Variants in RNF19A observed in about 807,000 individuals in gnomAD.
RNF19A encodes the protein ring finger protein 19A, RBR E3 ubiquitin protein ligase, also known as E3 ubiquitin-protein ligase RNF19A.
In RNF19A, 32 loss-of-function variants were observed where a neutral mutation model predicts 75.7. The ratio of observed to expected loss-of-function variants is 0.42; its 90% CI spans 0.32 to 0.57. The LOEUF (loss-of-function observed/expected upper bound fraction) is 0.57. Among genes scored for constraint, RNF19A ranks in the 20% least tolerant of loss-of-function variants. The probability of loss-of-function intolerance (pLI) is 0.10; values close to 1 mark genes in which losing one functional copy is unlikely to be tolerated. For synonymous variants in RNF19A, 335 were observed against 345.2 expected (o/e 0.97, Z 0.33); for missense variants, 782 against 1,036.3 (o/e 0.75, Z 3.37).
intron 3 of RNF19A, among the ~76,000 whole-genome samples, chr8:100,273,923 C>T (rs1820378630): frequency 6.6e-6 from 1 of 152,108 alleles, no homozygotes; most frequent in Non-Finnish European, 1.5e-5. Flanking sequence ...CTGGGGATTA[C>T]AGGCGCCCGC....
In RNF19A at chr8:100,269,248, A is replaced by C. The variant is rs1820139880; in HGVS notation, c.1029-301T>G. Among the ~76,000 whole-genome samples the C allele has an allele frequency of 6.6e-6, 1 of 151,864 alleles. No homozygotes were observed. The highest frequency in any genetic ancestry group is 1.5e-5 in the Non-Finnish European group (1 of 67,934). On this transcript the variant is annotated intron_variant, in intron 4 of 9. Coordinates refer to ENST00000341084, the MANE Select transcript of RNF19A (RefSeq NM_183419.4). This position sits in a 1 kb window ranked among gnomAD's most constrained non-coding sequence, Gnocchi z 5.7. Reference sequence around the variant, plus strand: ...AGTCTTCCATTACCCTCATACCCTTAAGTCAGTTTAATAGTAAATTAATGC... The same window carrying C: ...AGTCTTCCATTACCCTCATACCCTTCAGTCAGTTTAATAGTAAATTAATGC...
At chr8:100,334,206 T>C (rs1372030905) in intron 1 of RNF19A, among the ~76,000 whole-genome samples, 1 of 152,256 alleles carries the variant, frequency 6.6e-6, no homozygotes, top group East Asian at 1.9e-4. Context: ...CTTTTCATCA[T>C]AGCCACAACA....
chr8:100,276,855 A>G (rs1820544633), intron 2 of RNF19A, among the ~76,000 whole-genome samples: 1 of 152,152 alleles, frequency 6.6e-6, no homozygotes, highest in South Asian at 2.1e-4. Flanking sequence ...AACTAAATAC[A>G]CTGTGCAGAA....
At position 100,258,961 on chromosome 8, in the gene RNF19A, G is replaced by A; in HGVS notation, c.2112C>T (p.Asn704=). 1.2e-6 allele frequency: 2 copies of A among 1,614,214 alleles called. No homozygotes were observed. Among genetic ancestry groups the A allele is most frequent in the Admixed American group, 3.3e-5 (2 of 60,028 alleles). ...GGGATGGAGCCTCAAATTCACTTGA[G>A]TTCGTGCTTTGTTGTTCTAACAACT... is the stretch of plus-strand genomic sequence containing the variant. ...DAQLLEQQST[N]SSEFEAPSLS... is the part of the protein sequence containing the mutation. The change falls in exon 10 of 10, where the codon AAC becomes AAT. Residue 704 remains asparagine, a synonymous_variant. Coordinates refer to ENST00000341084, the MANE Select transcript of RNF19A (RefSeq NM_183419.4). The surrounding 1 kb of genome is among the most constrained non-coding windows in gnomAD (Gnocchi z 4.3).
chr8:100,281,610 A>G (rs991643016), intron 2 of RNF19A, among the ~76,000 whole-genome samples: 1 of 152,230 alleles, frequency 6.6e-6, no homozygotes, highest in Non-Finnish European at 1.5e-5. Flanking sequence ...AAGACATGAC[A>G]GTCTCAATAA....
rs190002721 is a variant in RNF19A at position 100,332,871 on chromosome 8, A to G, written c.-243+3237T>C. On this transcript the variant is annotated intron_variant, in intron 1 of 3. Transcript: ENST00000519527. This position sits in a 1 kb window ranked among gnomAD's most constrained non-coding sequence, Gnocchi z 4.8. ...TTATTGATTGGTACAAGCTGTTTAT[A>G]TTTTGTGGAAATTAGCCTCTTTTCT... 1.3e-3 allele frequency among the ~76,000 whole-genome samples: 195 copies of G among 152,160 alleles called. 1 individual carries two copies. Among genetic ancestry groups the G allele is most frequent in the African/African-American group, 4.4e-3 (183 of 41,546 alleles).
chr8:100,258,214 T>C lies in RNF19A; in HGVS notation c.*342A>G, dbSNP rs1819541115. The C allele has an allele frequency of 2.4e-6, 1 of 410,682 alleles. No individual in the cohort carries two copies. Among genetic ancestry groups the C allele is most frequent in the African/African-American group, 2.1e-5 (1 of 48,650 alleles). The allele number at this position is 410,682 out of a possible 1,614,324, so 25.4% of individuals were successfully genotyped here. On this transcript the variant is annotated 3_prime_UTR_variant, in exon 10 of 10. Coordinates refer to ENST00000341084, the MANE Select transcript of RNF19A (RefSeq NM_183419.4). The surrounding 1 kb of genome is among the most constrained non-coding windows in gnomAD (Gnocchi z 4.3). Reference sequence around the variant, plus strand: ...AAGCCTCAAGTTTTCTTCATTTGAATGCTGTAGAATTGCATTAGTATTTTA... The same window carrying C: ...AAGCCTCAAGTTTTCTTCATTTGAACGCTGTAGAATTGCATTAGTATTTTA...
At chr8:100,294,327 T>G (rs1205960523) in intron 1 of RNF19A, among the ~76,000 whole-genome samples, 1 of 152,086 alleles carries the variant, frequency 6.6e-6, no homozygotes, top group African/African-American at 2.4e-5. Context: ...AGCACCCATG[T>G]TTACCAATCC....
chr8:100,299,650 TC>T (rs1418434392), intron 1 of RNF19A, among the ~76,000 whole-genome samples: 1 of 152,040 alleles, frequency 6.6e-6, no homozygotes, highest in East Asian at 1.9e-4. Context: ...TCCCAGCTAC[TC>T]GGGAAGCTGA....
chr8:100,268,779 T>C lies in RNF19A; in HGVS notation c.1191+6A>G. The C allele has an allele frequency of 6.5e-7, 1 of 1,542,466 alleles. No individual in the cohort carries two copies. Among genetic ancestry groups the C allele is most frequent in the South Asian group, 1.2e-5 (1 of 81,888 alleles). On this transcript the variant is annotated splice_donor_region_variant and intron_variant, in intron 5 of 9. Coordinates refer to ENST00000341084, the MANE Select transcript of RNF19A (RefSeq NM_183419.4). ...ATAATGGACTAACAAGAAGTATGCA[T>C]TTTACCTTGCGGCCCACATACACAG...
chr8:100,283,978 C>T (rs778375467), intron 2 of RNF19A, among the ~76,000 whole-genome samples: 1 of 151,922 alleles, frequency 6.6e-6, no homozygotes, highest in Non-Finnish European at 1.5e-5. Context: ...GTTTCAAAGG[C>T]TTCAGTAAGC....
At chr8:100,267,664 C>G (rs1820046952) in intron 5 of RNF19A, among the ~76,000 whole-genome samples, 1 of 150,756 alleles carries the variant, frequency 6.6e-6, no homozygotes, top group African/African-American at 2.4e-5. Flanking sequence ...GCCACCATGC[C>G]CAGCTTGTTA....
chr8:100,329,314 C>T lies in RNF19A; in HGVS notation c.-243+6794G>A, dbSNP rs1822580201. Among the ~76,000 whole-genome samples, 1 of 151,954 alleles carries T rather than the reference C, an allele frequency of 6.6e-6. No homozygotes were observed. Among genetic ancestry groups the T allele is most frequent in the Non-Finnish European group, 1.5e-5 (1 of 67,978 alleles). On this transcript the variant is annotated intron_variant, in intron 1 of 3. Transcript: ENST00000519527. The surrounding 1 kb of genome is among the most constrained non-coding windows in gnomAD (Gnocchi z 4.3). ...TCTATTCTTTTGGATCAAAAAATGC[C>T]ACCTACATAGTTACAAAAGGCCTGA... is the stretch of plus-strand genomic sequence containing the variant.
In RNF19A at chr8:100,258,899, G is replaced by C. The variant is rs367638112; in HGVS notation, c.2174C>G (p.Ser725Cys). Residue 725 changes from serine to cysteine, a missense_variant, in exon 10 of 10, where the codon TCT becomes TGT. Physicochemically the swap from Ser to Cys is moderately radical, Grantham distance 112 (BLOSUM62 -1). Transcript: ENST00000341084. This position sits in a 1 kb window ranked among gnomAD's most constrained non-coding sequence, Gnocchi z 4.3. The part of the protein sequence containing the change: ...DSMPSVADSH[S>C]SHFSEFSCSD... ...ACAACTAAATTCAGAAAAATGACTA[G>C]AGTGAGAATCTGCTACAGAAGGCAT... 3 of 1,614,050 alleles carry C rather than the reference G, an allele frequency of 1.9e-6. No homozygotes were observed. The highest frequency in any genetic ancestry group is 2.5e-6 in the Non-Finnish European group (3 of 1,180,020).
rs1822630859 is a variant in RNF19A, at chr8:100,333,067, C to T, written c.-243+3041G>A. ...ACTCTTAAAATTTGTTCCTTCTTAC[C>T]ATTTCTAGTATGGAAAAAAAAAAGA... On this transcript the variant is annotated intron_variant, in intron 1 of 3. Coordinates refer to the RNF19A transcript ENST00000519527. This position sits in a 1 kb window ranked among gnomAD's most constrained non-coding sequence, Gnocchi z 4.7. Among the ~76,000 whole-genome samples the T allele has an allele frequency of 6.7e-6, 1 of 149,140 alleles. No homozygotes were observed. The highest frequency in any genetic ancestry group is 1.5e-5 in the Non-Finnish European group (1 of 67,306).
intron 2 of RNF19A, among the ~76,000 whole-genome samples, chr8:100,285,858 G>A (rs1480497485): frequency 6.6e-6 from 1 of 151,810 alleles, no homozygotes. Context: ...CTTGCACCCT[G>A]GGGTTCTATG....
intron 1 of RNF19A, among the ~76,000 whole-genome samples, chr8:100,327,480 G>A (rs759131189): frequency 1.1e-4 from 16 of 151,980 alleles, no homozygotes; most frequent in Non-Finnish European, 1.6e-4. Context: ...TCAAACTCCC[G>A]ACTCAAGTGA....
In RNF19A at chr8:100,305,012, T is replaced by C. The variant is rs555562004; in HGVS notation, c.-94+4855A>G. Among the ~76,000 whole-genome samples, 5 of 152,342 alleles carry C rather than the reference T, an allele frequency of 3.3e-5. No individual in the cohort carries two copies. The East Asian group carries it at 7.7e-4, about 23-fold the overall frequency. Reference sequence around the variant, plus strand: ...GTACAGTGGCACAATCTCAGCTCACTGCAACCTCTACCTCCCAAGTTCAAG... The same window carrying C: ...GTACAGTGGCACAATCTCAGCTCACCGCAACCTCTACCTCCCAAGTTCAAG... On this transcript the variant is annotated intron_variant, in intron 1 of 9. Transcript: ENST00000341084.
chr8:100,287,817 T>TA lies in RNF19A; in HGVS notation c.357_358insT (p.Thr120TyrfsTer22), dbSNP rs778829608. On this transcript the variant is annotated frameshift_variant, in exon 2 of 10. Transcript: ENST00000341084. LOFTEE classifies it high-confidence loss of function. The surrounding 1 kb of genome is among the most constrained non-coding windows in gnomAD (Gnocchi z 4.1). Reference sequence around the variant, plus strand: ...TCTCCAATTTGTTTGCTGATGGAAGTTAATCCATTGTCAGAAGAGGTATTT... The same window carrying TA: ...TCTCCAATTTGTTTGCTGATGGAAGTATAATCCATTGTCAGAAGAGGTATTT... 1 of 1,614,156 alleles carries TA rather than the reference T, an allele frequency of 6.2e-7. No homozygotes were observed. The highest frequency in any genetic ancestry group is 8.5e-7 in the Non-Finnish European group (1 of 1,179,972).
Sources: allele counts gnomAD v4.1 joint callset (sites outside exome capture counted in the v4.1 genomes callset), GRCh38; gene constraint gnomAD v4.1.1; non-coding constraint Gnocchi (gnomAD v3.1); transcripts MANE v1.5; gene names NCBI Gene and HGNC (gene_info 2026-07-23, HGNC 2026-07-21).